Variants in ERC2 observed in about 807,000 individuals in gnomAD.
ERC2 encodes the protein ERC protein 2.
Under a neutral mutation model 114.8 loss-of-function variants are expected in ERC2, and 42 were observed. The ratio of observed to expected loss-of-function variants is 0.37; its 90% CI spans 0.29 to 0.47. The LOEUF is 0.47. Ranked by LOEUF, ERC2 falls within the 20% of genes least tolerant of loss-of-function variation. ERC2 has a pLI of 0.99. For synonymous variants in ERC2, 454 were observed against 425.5 expected (o/e 1.07, Z -0.82); for missense variants, 939 against 1,150.7 (o/e 0.82, Z 2.66).
chr3:56,291,958 C>T (rs2055116813), intron 3 of ERC2, among the ~76,000 whole-genome samples: 1 of 152,094 alleles, frequency 6.6e-6, no homozygotes, highest in South Asian at 2.1e-4. Context: ...TGGGAAACAA[C>T]CATTTGTATA....
At chr3:56,063,904 T>C (rs2076352462) in intron 7 of ERC2, among the ~76,000 whole-genome samples, 1 of 152,218 alleles carries the variant, frequency 6.6e-6, no homozygotes, top group African/African-American at 2.4e-5. Flanking sequence ...TTCTATATCA[T>C]TAAATATACT....
chr3:55,918,253 G>C (rs2065219756), intron 13 of ERC2, among the ~76,000 whole-genome samples: 1 of 151,984 alleles, frequency 6.6e-6, no homozygotes, highest in South Asian at 2.1e-4. Context: ...AGAGGAATCA[G>C]GTTTTGTTGA....
At chr3:56,252,770 A>AAAAAAG in intron 3 of ERC2, among the ~76,000 whole-genome samples, 1 of 151,736 alleles carries the variant, frequency 6.6e-6, no homozygotes, top group Non-Finnish European at 1.5e-5. Context: ...AAAAAAAAAA[A>AAAAAAG]AAAAAAGACA....
intron 12 of ERC2, among the ~76,000 whole-genome samples, chr3:55,957,353 C>G (rs918156706): frequency 6.6e-6 from 1 of 152,168 alleles, no homozygotes; most frequent in Non-Finnish European, 1.5e-5. Flanking sequence ...CATCCCTTAC[C>G]AAGTCTGTAA....
intron 14 of ERC2, among the ~76,000 whole-genome samples, chr3:55,777,585 T>C (rs2068722845): frequency 6.6e-6 from 1 of 152,216 alleles, no homozygotes; most frequent in African/African-American, 2.4e-5. Context: ...CAAATTTGTG[T>C]GAGTTAATTT....
chr3:56,236,015 C>T (rs2050920602), intron 3 of ERC2, among the ~76,000 whole-genome samples: 1 of 152,138 alleles, frequency 6.6e-6, no homozygotes, highest in African/African-American at 2.4e-5. Context: ...AGAACACTCT[C>T]CTGTGGAAGT....
At chr3:55,520,173 C>T (rs897360898) in intron 17 of ERC2, among the ~76,000 whole-genome samples, 2 of 152,054 alleles carry the variant, frequency 1.3e-5, no homozygotes. Context: ...AAAAAGGCAG[C>T]CAGGCGCAGT....
At position 55,727,609 on chromosome 3, in the gene ERC2, A is replaced by G. The variant is rs1264898153; in HGVS notation, c.2712+7162T>C. Among the ~76,000 whole-genome samples, 5 of 152,316 alleles carry G rather than the reference A, an allele frequency of 3.3e-5. No individual in the cohort carries two copies. In the East Asian group the frequency reaches 9.6e-4, roughly 29 times the overall value. ...AAGCACAATTGGAATTTCTGAACTC[A>G]TTTCATATCACTTTTAGCTTTATTG... On this transcript the variant is annotated intron_variant, in intron 15 of 17. Transcript: ENST00000288221.
chr3:55,631,055 C>G (rs1393606620), intron 17 of ERC2, among the ~76,000 whole-genome samples: 1 of 151,920 alleles, frequency 6.6e-6, no homozygotes, highest in Non-Finnish European at 1.5e-5. Flanking sequence ...CTAATTAGTT[C>G]CCAGGCTGAG....
chr3:56,032,977 G>GAA (rs767054115), intron 7 of ERC2, among the ~76,000 whole-genome samples: 1,096 of 44,954 alleles, frequency 0.024, 53 homozygotes, highest in East Asian at 0.036. Flanking sequence ...AAGAAAGAAA[G>GAA]AGAAAGAAAG....
chr3:55,864,740 C>T lies in ERC2; in HGVS notation c.2564+23649G>A, dbSNP rs115307186. 5.4e-3 allele frequency among the ~76,000 whole-genome samples: 818 copies of T among 152,208 alleles called. 9 individuals carry two copies. The highest frequency in any genetic ancestry group is 0.019 in the African/African-American group (781 of 41,542). On this transcript the variant is annotated intron_variant, in intron 14 of 17. Transcript: ENST00000288221. ...CCCTTCAAACTCAGTCTTTGCCAAA[C>T]TGTCACCATCATCACAATCACAGTC...
At chr3:55,966,986 T>C (rs1461141374) in intron 12 of ERC2, among the ~76,000 whole-genome samples, 2 of 152,196 alleles carry the variant, frequency 1.3e-5, no homozygotes, top group African/African-American at 4.8e-5. Flanking sequence ...GTGAGGCATC[T>C]CTCTTTTACA....
At chr3:56,343,960 C>A (rs1167154104) in intron 2 of ERC2, among the ~76,000 whole-genome samples, 1 of 152,132 alleles carries the variant, frequency 6.6e-6, no homozygotes. Flanking sequence ...TTTGAATAAT[C>A]CTTTCTGTTG....
At chr3:55,816,408 C>T (rs1388419110) in intron 14 of ERC2, among the ~76,000 whole-genome samples, 1 of 152,192 alleles carries the variant, frequency 6.6e-6, no homozygotes, top group African/African-American at 2.4e-5. Context: ...CCACTCCATA[C>T]CAATGTGCAC....
At chr3:56,035,045 T>C (rs1172896854) in intron 7 of ERC2, among the ~76,000 whole-genome samples, 1 of 151,900 alleles carries the variant, frequency 6.6e-6, no homozygotes, top group East Asian at 1.9e-4. Flanking sequence ...GTTTGCTTTT[T>C]GAAAAGATAA....
At chr3:55,648,215 C>A (rs1449767501) in intron 17 of ERC2, among the ~76,000 whole-genome samples, 1 of 152,192 alleles carries the variant, frequency 6.6e-6, no homozygotes, top group Non-Finnish European at 1.5e-5. Flanking sequence ...CCAAATTATT[C>A]ATTCAAATAT....
chr3:56,443,990 T>A (rs1346756166), intron 1 of ERC2, among the ~76,000 whole-genome samples: 1 of 117,098 alleles, frequency 8.5e-6, no homozygotes, highest in Admixed American at 1.2e-4. Context: ...TGAGATGGAG[T>A]CTCACTGTGT....
chr3:56,201,531 G>A (rs950793200), intron 3 of ERC2, among the ~76,000 whole-genome samples: 14 of 152,126 alleles, frequency 9.2e-5, no homozygotes, highest in African/African-American at 3.1e-4. Flanking sequence ...AGAGCTTGAA[G>A]CAATTCTAAG....
chr3:55,620,922 C>A lies in ERC2; in HGVS notation c.*39+62872G>T, dbSNP rs114014686. Reference sequence around the variant, plus strand: ...TATAACATAACTGTTGTCATTTAGGCCAATTAAGATGCTTTTACTAGCTCG... The same window carrying A: ...TATAACATAACTGTTGTCATTTAGGACAATTAAGATGCTTTTACTAGCTCG... On this transcript the variant is annotated intron_variant, in intron 17 of 17. Transcript: ENST00000288221. Among the ~76,000 whole-genome samples the A allele has an allele frequency of 2.4e-3, 363 of 152,260 alleles. 1 individual carries two copies. The highest frequency in any genetic ancestry group is 8.2e-3 in the African/African-American group (341 of 41,548).
Sources: allele counts gnomAD v4.1 joint callset (sites outside exome capture counted in the v4.1 genomes callset), GRCh38; gene constraint gnomAD v4.1.1; transcripts MANE v1.5; gene names NCBI Gene and HGNC (gene_info 2026-07-23, HGNC 2026-07-21).